The following CCDC192 variants were observed in gnomAD, a reference collection of about 807,000 sequenced individuals.
CCDC192 encodes the protein coiled-coil domain containing 192, also known as coiled-coil domain-containing protein 192.
chr5:127,716,891 A>G (rs1751652613), intron 2 of CCDC192, among the ~76,000 whole-genome samples: 1 of 152,116 alleles, frequency 6.6e-6, no homozygotes, highest in Admixed American at 6.5e-5. Context: ...TCCTTACTTT[A>G]TAGGGGCCAT....
At chr5:127,869,071 G>A (rs1197212949) in intron 5 of CCDC192, among the ~76,000 whole-genome samples, 4 of 152,074 alleles carry the variant, frequency 2.6e-5, no homozygotes, top group South Asian at 4.2e-4. Flanking sequence ...GCCTGTAATC[G>A]CAGCACTTTG....
intron 5 of CCDC192, among the ~76,000 whole-genome samples, chr5:127,818,073 T>C (rs764273447): frequency 1.3e-5 from 2 of 152,188 alleles, no homozygotes; most frequent in Non-Finnish European, 1.5e-5. Flanking sequence ...AAACCCAGCA[T>C]AGCTTTTTCC....
chr5:127,915,965 A>G (rs1247978018), intron 6 of CCDC192, among the ~76,000 whole-genome samples: 1 of 152,228 alleles, frequency 6.6e-6, no homozygotes, highest in Non-Finnish European at 1.5e-5. Flanking sequence ...GCTTCCTTTC[A>G]TGAAAGTTTT....
At chr5:127,778,259 A>C (rs1159971961) in intron 3 of CCDC192, among the ~76,000 whole-genome samples, 1 of 152,186 alleles carries the variant, frequency 6.6e-6, no homozygotes, top group East Asian at 1.9e-4. Context: ...TGGAATGTTC[A>C]TAAATGTCTT....
intron 6 of CCDC192, among the ~76,000 whole-genome samples, chr5:127,902,735 A>T (rs1753073924): frequency 6.6e-6 from 1 of 152,176 alleles, no homozygotes; most frequent in Admixed American, 6.5e-5. Context: ...TCATAGAGTA[A>T]CCTCCTGGGC....
intron 6 of CCDC192, among the ~76,000 whole-genome samples, chr5:127,911,321 A>G (rs1422468128): frequency 3.9e-5 from 6 of 152,196 alleles, no homozygotes; most frequent in Non-Finnish European, 8.8e-5. Flanking sequence ...ACAGGCAAAC[A>G]CTAAGATTAA....
chr5:127,729,634 A>G (rs964132345), intron 2 of CCDC192, among the ~76,000 whole-genome samples: 1 of 152,212 alleles, frequency 6.6e-6, no homozygotes, highest in African/African-American at 2.4e-5. Context: ...AACACTCCTC[A>G]GCAAATGAAA....
intron 6 of CCDC192, among the ~76,000 whole-genome samples, chr5:127,934,665 AGTG>A (rs1381633021): frequency 1.3e-5 from 2 of 152,246 alleles, no homozygotes; most frequent in Non-Finnish European, 2.9e-5. Flanking sequence ...AAAAAAAATA[AGTG>A]AATCATTTAT....
intron 5 of CCDC192, among the ~76,000 whole-genome samples, chr5:127,814,517 A>T (rs1341284749): frequency 6.6e-6 from 1 of 152,204 alleles, no homozygotes; most frequent in Non-Finnish European, 1.5e-5. Context: ...CTGAATGGAA[A>T]TGGAGGGTTG....
At chr5:127,836,032 A>C (rs967139327) in intron 5 of CCDC192, among the ~76,000 whole-genome samples, 3 of 152,202 alleles carry the variant, frequency 2.0e-5, no homozygotes, top group Non-Finnish European at 2.9e-5. Context: ...TAAATAAGGC[A>C]AGTCCCTTAT....
intron 5 of CCDC192, among the ~76,000 whole-genome samples, chr5:127,814,094 G>A (rs1294027782): frequency 6.6e-6 from 1 of 152,154 alleles, no homozygotes; most frequent in African/African-American, 2.4e-5. Flanking sequence ...TTAGAGGAAG[G>A]ATTAAAAGGA....
intron 2 of CCDC192, among the ~76,000 whole-genome samples, chr5:127,752,400 A>G (rs551070420): frequency 1.3e-4 from 20 of 151,752 alleles, no homozygotes; most frequent in East Asian, 3.9e-4. Context: ...CCCCTGCTGG[A>G]GGGTGCCTCC....
At chr5:127,703,248 G>A (rs1265541707), upstream of CCDC192, 2 of 383,538 alleles carry the variant, frequency 5.2e-6, no homozygotes, top group Admixed American at 9.0e-5. Context: ...GATCTGATTT[G>A]TGAGATGTTT....
intron 6 of CCDC192, among the ~76,000 whole-genome samples, chr5:127,921,857 A>G (rs1753731660): frequency 1.3e-5 from 2 of 152,328 alleles, no homozygotes; most frequent in South Asian, 4.1e-4. Context: ...CTTAGAATAT[A>G]TAAATAATTT....
At chr5:127,765,371 A>C (rs1474358278) in intron 3 of CCDC192, among the ~76,000 whole-genome samples, 1 of 152,176 alleles carries the variant, frequency 6.6e-6, no homozygotes, top group Non-Finnish European at 1.5e-5. Flanking sequence ...TTTAGTTTTG[A>C]AAGAGTTATT....
chr5:127,830,157 C>T (rs1446538601), intron 5 of CCDC192, among the ~76,000 whole-genome samples: 3 of 137,750 alleles, frequency 2.2e-5, no homozygotes, highest in African/African-American at 5.7e-5. Context: ...AGATGCCTTT[C>T]GCAGTCTCAA....
chr5:127,709,118 A>AGAGAGG (rs1554067161), intron 2 of CCDC192, among the ~76,000 whole-genome samples: 1 of 125,880 alleles, frequency 7.9e-6, no homozygotes, highest in Non-Finnish European at 1.6e-5. Context: ...AGAGAGAGAG[A>AGAGAGG]GAGAGGGAGA....
intron 2 of CCDC192, among the ~76,000 whole-genome samples, chr5:127,748,618 A>T (rs181218373): frequency 0.012 from 1,765 of 146,202 alleles, 38 homozygotes; most frequent in African/African-American, 0.041. Context: ...TATGAACTTT[A>T]AAGTAGTTTT....
chr5:127,895,059 G>T lies in CCDC192; in HGVS notation c.535+19398G>T, dbSNP rs149779390. ...GTGCAGTTTGGTTACGTAAGTAAGC[G>T]TGTGCTGCGGTATTTTGCTGCACAG... On this transcript the variant is annotated intron_variant, in intron 6 of 6. Transcript: ENST00000514853. 1.2e-3 allele frequency among the ~76,000 whole-genome samples: 188 copies of T among 152,270 alleles called. 3 individuals are homozygous for T. Among genetic ancestry groups the T allele is most frequent in the Middle Eastern group, 6.8e-3 (2 of 294 alleles).
Sources: gnomAD v4.1 joint callset for allele counts (sites outside exome capture counted in the v4.1 genomes callset) on GRCh38, gnomAD v4.1.1 for gene constraint, MANE v1.5 for transcripts, NCBI Gene and HGNC (gene_info 2026-07-23, HGNC 2026-07-21) for gene names.